Variants in AKAP13 observed in about 807,000 individuals in gnomAD.
AKAP13 encodes the protein A-kinase anchoring protein 13, also known as A-kinase anchor protein 13.
In AKAP13, 80 loss-of-function variants were observed where a neutral mutation model predicts 264.5. The observed-to-expected ratio is 0.30, with a 90% CI of 0.25 to 0.36. The LOEUF is 0.36. AKAP13 is among the 10% of genes least tolerant of loss of function. The probability of loss-of-function intolerance (pLI) is 1.00; values close to 1 mark genes in which losing one functional copy is unlikely to be tolerated. For missense variants in AKAP13, 3,712 were observed against 3,435.2 expected (o/e 1.08, Z -2.01); for synonymous variants, 1,380 against 1,250.2 (o/e 1.10, Z -2.19).
At chr15:85,704,250 T>A (rs1427054096) in intron 17 of AKAP13, among the ~76,000 whole-genome samples, 1 of 152,196 alleles carries the variant, frequency 6.6e-6, no homozygotes, top group African/African-American at 2.4e-5. Context: ...ATGACTCAGC[T>A]CCCAAAGGTG....
intron 1 of AKAP13, among the ~76,000 whole-genome samples, chr15:85,473,018 A>C (rs191223548): frequency 6.6e-6 from 1 of 152,214 alleles, no homozygotes; most frequent in Non-Finnish European, 1.5e-5. Flanking sequence ...CTACACTTCA[A>C]AAATTCAAAA....
chr15:85,531,139 C>T (rs997525964), intron 3 of AKAP13, among the ~76,000 whole-genome samples: 10 of 152,294 alleles, frequency 6.6e-5, no homozygotes, highest in South Asian at 2.1e-4. Flanking sequence ...GGGATTACAG[C>T]ATGAGTCATC....
chr15:85,499,452 G>A (rs2075981225), intron 2 of AKAP13, among the ~76,000 whole-genome samples: 1 of 152,146 alleles, frequency 6.6e-6, no homozygotes, highest in Admixed American at 6.5e-5. Context: ...GGTTGTAGAC[G>A]GGCTGCTGAG....
rs771196402 is a variant in AKAP13 at position 85,575,279 on chromosome 15, G to A, written c.811G>A (p.Gly271Ser). 1.5e-5 allele frequency: 25 copies of A among 1,613,948 alleles called. No individual in the cohort carries two copies. In the Middle Eastern group the frequency reaches 6.6e-4, roughly 42 times the overall value. The change falls in exon 6 of 37, where the codon GGT (glycine) becomes AGT (serine). Residue 271 changes from glycine (G) to serine (S), a missense_variant. Gly to Ser is a moderately conservative substitution (Grantham distance 56). Transcript: ENST00000394518. ...TCATGAACACCCATTTCCTGGAGAC[G>A]GTTGCACTGGACCAATTTTTAAACT... ...SHHEHPFPGD[G>S]CTGPIFKLMN...
intron 35 of AKAP13, among the ~76,000 whole-genome samples, chr15:85,741,729 C>CAAAA (rs112524984): frequency 6.9e-4 from 57 of 82,306 alleles, no homozygotes; most frequent in East Asian, 2.5e-3. Flanking sequence ...AACAAACAAA[C>CAAAA]AAAAAAAAAA....
At chr15:85,525,859 T>G (rs2077021257) in intron 3 of AKAP13, among the ~76,000 whole-genome samples, 1 of 152,190 alleles carries the variant, frequency 6.6e-6, no homozygotes, top group African/African-American at 2.4e-5. Flanking sequence ...TTAATGAAAC[T>G]GTGAATTTAG....
intron 8 of AKAP13, among the ~76,000 whole-genome samples, chr15:85,602,246 G>C (rs1050012945): frequency 6.6e-6 from 1 of 151,926 alleles, no homozygotes; most frequent in African/African-American, 2.4e-5. Flanking sequence ...CACAATCTCG[G>C]CCCACTGCAA....
intron 5 of AKAP13, among the ~76,000 whole-genome samples, chr15:85,562,580 T>A (rs199939721): frequency 0.8 from 84,265 of 105,104 alleles, 33,749 homozygotes; most frequent in East Asian, 0.92. Context: ...AAAAAATATA[T>A]ATATATATAT....
intron 16 of AKAP13, 153 bp from the exon 17 acceptor site, chr15:85,693,113 TAATTTAAAAAA>T: frequency 3.1e-6 from 4 of 1,273,302 alleles, no homozygotes; most frequent in Non-Finnish European, 4.1e-6. Context: ...GCCAACGCCT[TAATTTAAAAAA>T]ACAAAACAAA....
chr15:85,427,001 G>C (rs1210839900), intron 1 of AKAP13, among the ~76,000 whole-genome samples: 1 of 149,742 alleles, frequency 6.7e-6, no homozygotes, highest in Non-Finnish European at 1.5e-5. Flanking sequence ...TGTCACCGGG[G>C]CTGGAGTGCA....
rs55760393 is a variant in AKAP13 at position 85,724,519 on chromosome 15, T to C, written c.6745+1199T>C. 1.6e-3 allele frequency among the ~76,000 whole-genome samples: 1 copy of C among 622 alleles called. No individual in the cohort carries two copies. Among genetic ancestry groups the C allele is most frequent in the South Asian group, 0.029 (1 of 34 alleles). 0.4% of individuals were successfully genotyped at this position (622 alleles called of 152,430 possible). On this transcript the variant is annotated intron_variant, in intron 26 of 36. Coordinates refer to ENST00000394518, the MANE Select transcript of AKAP13 (RefSeq NM_007200.5). This position sits in a 1 kb window ranked among gnomAD's most constrained non-coding sequence, Gnocchi z 4.2. ...AGAGTGGACACCCGGGACTCTCACG[T>C]GAGAGAGCAGAGTGAATGACAGGGG... is the stretch of plus-strand genomic sequence containing the variant.
At position 85,421,591 on chromosome 15, in the gene AKAP13, G is replaced by A. The variant is rs888581323; in HGVS notation, c.-12+40793G>A. Among the ~76,000 whole-genome samples the A allele has an allele frequency of 6.6e-5, 10 of 152,248 alleles. No individual in the cohort carries two copies. In the South Asian group the frequency reaches 1.0e-3, roughly 16 times the overall value. ...GGTTTGTGTGTGCGCGTGTGCGCGC[G>A]CGCCTGTGCACACTCTCAACTTTGT... is the stretch of plus-strand genomic sequence containing the variant. On this transcript the variant is annotated intron_variant, in intron 1 of 36. Coordinates refer to ENST00000394518, the MANE Select transcript of AKAP13 (RefSeq NM_007200.5).
intron 17 of AKAP13, among the ~76,000 whole-genome samples, chr15:85,703,484 T>C (rs1433619856): frequency 6.6e-6 from 1 of 152,216 alleles, no homozygotes; most frequent in African/African-American, 2.4e-5. Flanking sequence ...CAAGAACATC[T>C]CACATGCCTT....
At chr15:85,392,892 A>C (rs909452452) in intron 1 of AKAP13, among the ~76,000 whole-genome samples, 1 of 152,256 alleles carries the variant, frequency 6.6e-6, no homozygotes, top group African/African-American at 2.4e-5. Context: ...GAATTACACC[A>C]TCAGCATTAA....
At chr15:85,514,508 CA>C (rs2076541830) in intron 2 of AKAP13, among the ~76,000 whole-genome samples, 1 of 137,494 alleles carries the variant, frequency 7.3e-6, no homozygotes, top group South Asian at 2.2e-4. Context: ...GGCCTGGAAT[CA>C]GCCAAGTCTC....
chr15:85,516,812 T>A (rs1459701005), intron 2 of AKAP13, among the ~76,000 whole-genome samples: 2 of 152,238 alleles, frequency 1.3e-5, no homozygotes, highest in African/African-American at 2.4e-5. Context: ...AATACAGATT[T>A]GACAAGAGAT....
chr15:85,425,389 AACT>A (rs1286808295), intron 1 of AKAP13, among the ~76,000 whole-genome samples: 24 of 152,126 alleles, frequency 1.6e-4, no homozygotes, highest in Admixed American at 1.6e-3. Context: ...GGGAATGTCA[AACT>A]AATTTTTTCA....
chr15:85,383,277 A>T (rs1470851250), intron 1 of AKAP13, among the ~76,000 whole-genome samples: 2 of 152,166 alleles, frequency 1.3e-5, no homozygotes, highest in Non-Finnish European at 1.5e-5. Flanking sequence ...AATTTTAGAA[A>T]AAAGTACACC....
chr15:85,447,248 A>G lies in AKAP13; in HGVS notation c.-11-38462A>G, dbSNP rs565282882. Among the ~76,000 whole-genome samples, 11 of 152,284 alleles carry G rather than the reference A, an allele frequency of 7.2e-5. No individual in the cohort carries two copies. The East Asian group carries it at 1.9e-3, about 27-fold the overall frequency. ...CACCAGTGCATTCCAGCCTGGTGACAGAGTGAGATTCCATCTCAAAATAAA... is the reference window on the plus strand; with the variant it reads ...CACCAGTGCATTCCAGCCTGGTGACGGAGTGAGATTCCATCTCAAAATAAA... On this transcript the variant is annotated intron_variant, in intron 1 of 36. Coordinates refer to ENST00000394518, the MANE Select transcript of AKAP13 (RefSeq NM_007200.5).
Sources: gnomAD v4.1 joint callset for allele counts (sites outside exome capture counted in the v4.1 genomes callset) on GRCh38, gnomAD v4.1.1 for gene constraint, Gnocchi (gnomAD v3.1) non-coding constraint, MANE v1.5 for transcripts, NCBI Gene and HGNC (gene_info 2026-07-23, HGNC 2026-07-21) for gene names.